Variants in THSD7B observed in about 807,000 individuals in gnomAD.
THSD7B encodes thrombospondin type-1 domain-containing protein 7B.
Under a neutral mutation model 213.6 loss-of-function variants are expected in THSD7B, and 138 were observed. That is an observed-to-expected ratio of 0.65 (90% CI 0.56 to 0.74). The LOEUF is 0.74. Among genes scored for constraint, THSD7B ranks in the 30% least tolerant of loss-of-function variants. The probability of loss-of-function intolerance (pLI) is 0.00; values close to 1 mark genes in which losing one functional copy is unlikely to be tolerated. For synonymous variants in THSD7B, 742 were observed against 687.0 expected (o/e 1.08, Z -1.25); for missense variants, 1,931 against 1,991.5 (o/e 0.97, Z 0.58).
Position 136,828,706 on chromosome 2 carries a change from G to C in THSD7B, c.-35-53438G>C, listed in dbSNP as rs532027931. On this transcript the variant is annotated intron_variant, in intron 1 of 27. Coordinates refer to ENST00000409968, the MANE Select transcript of THSD7B (RefSeq NM_001316349.2). ...TAATTGCCACAGGGCCTTTGCACAT[G>C]CTATACTCAGACTGCAATATTCTTG... 2.0e-5 allele frequency among the ~76,000 whole-genome samples: 3 copies of C among 152,312 alleles called. No individual in the cohort carries two copies. The East Asian group carries it at 5.8e-4, about 29-fold the overall frequency.
chr2:137,445,631 G>A (rs983847390), intron 14 of THSD7B, among the ~76,000 whole-genome samples: 3 of 151,758 alleles, frequency 2.0e-5, no homozygotes, highest in Non-Finnish European at 4.4e-5. Context: ...GGAGGGAAGA[G>A]GAAAGACAGG....
intron 3 of THSD7B, among the ~76,000 whole-genome samples, chr2:137,057,810 T>C (rs1292381995): frequency 6.6e-6 from 1 of 152,216 alleles, no homozygotes; most frequent in Non-Finnish European, 1.5e-5. Context: ...GCGCAAGCAG[T>C]AATTAGAATG....
chr2:137,224,672 T>C (rs1289005447), intron 7 of THSD7B, among the ~76,000 whole-genome samples: 3 of 152,158 alleles, frequency 2.0e-5, no homozygotes, highest in Admixed American at 1.3e-4. Context: ...CTATTATTAT[T>C]ATCATTATTA....
chr2:137,231,558 T>C (rs1170593274), intron 8 of THSD7B, among the ~76,000 whole-genome samples: 1 of 150,186 alleles, frequency 6.7e-6, no homozygotes, highest in Non-Finnish European at 1.5e-5. Context: ...AAACCAAAGA[T>C]AGCTTGTGCA....
intron 10 of THSD7B, among the ~76,000 whole-genome samples, chr2:137,263,426 C>T (rs1297440179): frequency 6.6e-6 from 1 of 152,038 alleles, no homozygotes; most frequent in African/African-American, 2.4e-5. Flanking sequence ...AAGTGCCTTG[C>T]CCAAGGTCAT....
chr2:137,655,521 A>T lies in THSD7B; in HGVS notation c.3966A>T (p.Gly1322=), dbSNP rs757951827. 6.2e-7 allele frequency: 1 copy of T among 1,612,092 alleles called. No homozygotes were observed. Among genetic ancestry groups the T allele is most frequent in the East Asian group, 2.2e-5 (1 of 44,826 alleles). Residue 1322 remains glycine (G), a synonymous_variant, in exon 22 of 28, where the codon GGA becomes GGT. Coordinates refer to ENST00000409968, the MANE Select transcript of THSD7B (RefSeq NM_001316349.2). ...CKLEGGDCGE[G]VQIRSLSCMV... is the part of the protein sequence containing the mutation. The stretch of plus-strand genomic sequence containing the variant: ...CATAGGGTGGAGACTGTGGGGAAGG[A>T]GTTCAGATCCGCAGCCTTTCCTGCA...
intron 1 of THSD7B, among the ~76,000 whole-genome samples, chr2:136,865,801 C>T (rs1366376595): frequency 1.3e-5 from 2 of 152,210 alleles, no homozygotes; most frequent in Non-Finnish European, 2.9e-5. Flanking sequence ...CATTGATCCT[C>T]TATCATAATC....
chr2:137,492,893 G>A (rs1243675955), intron 15 of THSD7B, among the ~76,000 whole-genome samples: 1 of 151,788 alleles, frequency 6.6e-6, no homozygotes, highest in Non-Finnish European at 1.5e-5. Flanking sequence ...AGGCCGACAT[G>A]GGTATTACCT....
chr2:137,348,637 A>ATCTGAAAC (rs796501312), intron 12 of THSD7B, among the ~76,000 whole-genome samples: 5 of 150,288 alleles, frequency 3.3e-5, no homozygotes, highest in African/African-American at 1.2e-4. Flanking sequence ...CAAAGTGTCT[A>ATCTGAAAC]TCTGAAACAG....
intron 1 of THSD7B, among the ~76,000 whole-genome samples, chr2:136,846,132 G>A (rs1168070057): frequency 6.6e-6 from 1 of 152,076 alleles, no homozygotes; most frequent in Non-Finnish European, 1.5e-5. Flanking sequence ...ATCAAGGGTG[G>A]GGTGTGGAGT....
intron 1 of THSD7B, among the ~76,000 whole-genome samples, chr2:136,851,139 C>A (rs904018438): frequency 9.2e-5 from 14 of 152,122 alleles, no homozygotes; most frequent in African/African-American, 3.4e-4. Context: ...ATGAATTTAT[C>A]TTTAATGATC....
At chr2:136,780,131 G>C (rs1299980577) in intron 1 of THSD7B, among the ~76,000 whole-genome samples, 4 of 151,994 alleles carry the variant, frequency 2.6e-5, no homozygotes, top group Non-Finnish European at 5.9e-5. Context: ...ATGAATTATG[G>C]GTAATTCATA....
In THSD7B at chr2:137,521,498, C is replaced by T. The variant is rs1291595200; in HGVS notation, c.3139-41723C>T. On this transcript the variant is annotated intron_variant, in intron 15 of 27. Transcript: ENST00000409968. ...TAGGAAGGAAAAATCTCCCCCATCC[C>T]TCTTTTTCTTCTCATTGGACCCTTT... Among the ~76,000 whole-genome samples, 8 of 152,200 alleles carry T rather than the reference C, an allele frequency of 5.3e-5. No individual in the cohort carries two copies. The East Asian group carries it at 1.5e-3, about 29-fold the overall frequency.
At chr2:137,267,452 G>C (rs1207442307) in intron 10 of THSD7B, among the ~76,000 whole-genome samples, 1 of 152,064 alleles carries the variant, frequency 6.6e-6, no homozygotes, top group East Asian at 1.9e-4. Flanking sequence ...TAGAAGGGAA[G>C]AAGTATTCCT....
chr2:137,402,240 T>G (rs1158633032), intron 12 of THSD7B, among the ~76,000 whole-genome samples: 1 of 152,186 alleles, frequency 6.6e-6, no homozygotes, highest in East Asian at 1.9e-4. Flanking sequence ...TTCAGATAGC[T>G]CCTTGTTTAG....
intron 12 of THSD7B, among the ~76,000 whole-genome samples, chr2:137,350,108 A>G (rs1408578201): frequency 6.6e-6 from 1 of 151,854 alleles, no homozygotes; most frequent in Admixed American, 6.6e-5. Context: ...GGGATGGAAT[A>G]CAGCAGAAGA....
chr2:137,626,700 T>C (rs2104848272), intron 20 of THSD7B, among the ~76,000 whole-genome samples: 1 of 152,292 alleles, frequency 6.6e-6, no homozygotes, highest in African/African-American at 2.4e-5. Flanking sequence ...CTGTTTACCA[T>C]AAGCAGTTAG....
chr2:136,839,921 G>A (rs1483126515), intron 1 of THSD7B, among the ~76,000 whole-genome samples: 2 of 152,124 alleles, frequency 1.3e-5, no homozygotes, highest in Non-Finnish European at 2.9e-5. Context: ...CATTCAGTAA[G>A]CATTTATTGA....
chr2:137,518,533 G>A (rs1680117845), intron 15 of THSD7B, among the ~76,000 whole-genome samples: 1 of 152,226 alleles, frequency 6.6e-6, no homozygotes, highest in Non-Finnish European at 1.5e-5. Flanking sequence ...GAGGTATGTG[G>A]ATGGAACTCT....
Sources: gnomAD v4.1 joint callset for allele counts (sites outside exome capture counted in the v4.1 genomes callset) on GRCh38, gnomAD v4.1.1 for gene constraint, MANE v1.5 for transcripts, NCBI Gene and HGNC (gene_info 2026-07-23, HGNC 2026-07-21) for gene names.